Variants in SESN1 observed in about 807,000 individuals in gnomAD.
SESN1 encodes the protein sestrin-1.
A neutral mutation model predicts 59.3 loss-of-function variants in SESN1; 30 were observed. The observed-to-expected ratio is 0.51, with a 90% confidence interval of 0.38 to 0.69. The LOEUF (loss-of-function observed/expected upper bound fraction) is 0.69, where lower values mean the gene tolerates loss of function less well. Ranked by LOEUF, SESN1 falls within the 30% of genes least tolerant of loss-of-function variation. The pLI is 0.00. For missense variants in SESN1, 566 were observed against 673.0 expected (o/e 0.84, Z 1.76); for synonymous variants, 197 against 219.9 (o/e 0.90, Z 0.92).
intron 1 of SESN1, among the ~76,000 whole-genome samples, chr6:109,074,578 A>C (rs1780998863): frequency 6.6e-6 from 1 of 152,224 alleles, no homozygotes; most frequent in Non-Finnish European, 1.5e-5. Flanking sequence ...AAGTGAAAAA[A>C]GACAAAATTA....
At chr6:109,042,896 T>C (rs1390311726) in intron 1 of SESN1, among the ~76,000 whole-genome samples, 1 of 151,260 alleles carries the variant, frequency 6.6e-6, no homozygotes, top group Admixed American at 6.6e-5. Flanking sequence ...ACAAAGACAA[T>C]ACAAAAAAAG....
intron 1 of SESN1, among the ~76,000 whole-genome samples, chr6:109,091,375 T>C (rs1183411849): frequency 6.6e-6 from 1 of 152,188 alleles, no homozygotes; most frequent in Non-Finnish European, 1.5e-5. Flanking sequence ...TAACGATGCA[T>C]TTCTCAGAGT....
Position 108,998,933 on chromosome 6 carries a change from A to AC in SESN1, c.730-179_730-178insG. ...TAATTTTTATGAATATGCATTCACA[A>AC]ATAGAACTTAACATAATCTGTTAAG... On this transcript the variant is annotated intron_variant, in intron 4 of 9. Coordinates refer to ENST00000436639, the MANE Select transcript of SESN1 (RefSeq NM_014454.3). The AC allele has an allele frequency of 8.9e-6, 5 of 559,106 alleles. No individual in the cohort carries two copies. In the South Asian group the frequency reaches 1.3e-4, roughly 14 times the overall value. 34.6% of individuals were successfully genotyped at this position (559,106 alleles called of 1,614,324 possible).
rs372778244 is a variant in SESN1, at chr6:108,999,069, G to A, written c.730-314C>T. 19 of 186,606 alleles carry A rather than the reference G, an allele frequency of 1.0e-4. No individual in the cohort carries two copies. The South Asian group carries it at 2.1e-3, about 21-fold the overall frequency. The allele number at this position is 186,606 out of a possible 1,614,324, so 11.6% of individuals were successfully genotyped here. On this transcript the variant is annotated intron_variant, in intron 4 of 9. Coordinates refer to ENST00000436639, the MANE Select transcript of SESN1 (RefSeq NM_014454.3). ...GATGCTGGATTATGAATGAATTACT[G>A]TGTTGTTAGTTCAAAATCTCAAAGC... is the stretch of plus-strand genomic sequence containing the variant.
At chr6:109,088,406 C>T (rs1459002599) in intron 1 of SESN1, among the ~76,000 whole-genome samples, 1 of 151,822 alleles carries the variant, frequency 6.6e-6, no homozygotes, top group Non-Finnish European at 1.5e-5. Context: ...CAACTAGATA[C>T]TGCAACTCCA....
intron 5 of SESN1, 37 bp downstream of exon 5, chr6:108,998,475 AT>A: frequency 6.2e-7 from 1 of 1,608,656 alleles, no homozygotes; most frequent in Non-Finnish European, 8.5e-7. Context: ...AATTATTGTG[AT>A]TAGTTTTATG....
chr6:109,019,319 C>A (rs1779973014), intron 1 of SESN1, among the ~76,000 whole-genome samples: 1 of 152,208 alleles, frequency 6.6e-6, no homozygotes, highest in South Asian at 2.1e-4. Flanking sequence ...TTGGGTCAGG[C>A]TTTAAGGTTC....
At position 109,008,512 on chromosome 6, in the gene SESN1, T is replaced by C. The variant is rs369033741; in HGVS notation, c.280-6169A>G. On this transcript the variant is annotated intron_variant, in intron 1 of 9. Coordinates refer to ENST00000436639, the MANE Select transcript of SESN1 (RefSeq NM_014454.3). Reference sequence around the variant, plus strand: ...TCATTTAAGTTTCTATGAATATACATAGTATACTGATAATAGACTCCATTA... The same window carrying C: ...TCATTTAAGTTTCTATGAATATACACAGTATACTGATAATAGACTCCATTA... Among the ~76,000 whole-genome samples the C allele has an allele frequency of 9.2e-5, 14 of 152,334 alleles. No homozygotes were observed. The East Asian group carries it at 1.5e-3, about 17-fold the overall frequency.
chr6:109,071,352 T>TC (rs1268162510), intron 1 of SESN1, among the ~76,000 whole-genome samples: 18 of 150,658 alleles, frequency 1.2e-4, no homozygotes, highest in Non-Finnish European at 2.7e-4. Flanking sequence ...AGTTTTTGTT[T>TC]CTTTTTTTTT....
chr6:108,988,594 AAC>A lies in SESN1; in HGVS notation c.1516_1517del (p.Val506TyrfsTer6). 6.2e-7 allele frequency: 1 copy of A among 1,613,418 alleles called. No homozygotes were observed. Among genetic ancestry groups the A allele is most frequent in the African/African-American group, 1.3e-5 (1 of 75,040 alleles). ...IKTVVCTPEK[V>X]TKRMYDSFWR... ...AGAAGCTATCATACATTCTTTTGGT[AAC>A]CTTTTCAGGAGTGCAAACAACAGTT... On this transcript the variant is annotated frameshift_variant, in exon 9 of 10. Coordinates refer to ENST00000436639, the MANE Select transcript of SESN1 (RefSeq NM_014454.3). LOFTEE classifies it high-confidence loss of function.
Position 108,998,589 on chromosome 6 carries a change from T to G in SESN1, c.896A>C (p.Asn299Thr), listed in dbSNP as rs1310807543. Residue 299 changes from asparagine to threonine, a missense_variant, in exon 5 of 10, where the codon AAC becomes ACC. Coordinates refer to ENST00000436639, the MANE Select transcript of SESN1 (RefSeq NM_014454.3). Reference sequence around the variant, plus strand: ...ATTTGTAATGTCACAGATGCAGTAGTTGCTAACAGAAGGAGGTCTGAATGT... The same window carrying G: ...ATTTGTAATGTCACAGATGCAGTAGGTGCTAACAGAAGGAGGTCTGAATGT... ...GHTFRPPSVS[N>T]YCICDITNGN... 6.2e-7 allele frequency: 1 copy of G among 1,613,940 alleles called. No homozygotes were observed. Among genetic ancestry groups the G allele is most frequent in the Admixed American group, 1.7e-5 (1 of 60,024 alleles).
chr6:109,076,384 T>C (rs1265212438), intron 1 of SESN1, among the ~76,000 whole-genome samples: 1 of 152,236 alleles, frequency 6.6e-6, no homozygotes, highest in East Asian at 1.9e-4. Flanking sequence ...ATGTCAAGCA[T>C]AGTAACATTC....
intron 1 of SESN1, among the ~76,000 whole-genome samples, chr6:109,018,007 A>G (rs988819042): frequency 6.6e-6 from 1 of 152,174 alleles, no homozygotes; most frequent in Non-Finnish European, 1.5e-5. Context: ...GTCTCTTTCT[A>G]TAGAACAATA....
At chr6:109,024,602 A>G (rs185155290) in intron 1 of SESN1, among the ~76,000 whole-genome samples, 6 of 152,374 alleles carry the variant, frequency 3.9e-5, no homozygotes, top group African/African-American at 1.4e-4. Flanking sequence ...AGTTGAAAAT[A>G]TCATAAGTAA....
chr6:109,084,574 G>GAAAAC (rs1263504330), intron 1 of SESN1, among the ~76,000 whole-genome samples: 1 of 151,554 alleles, frequency 6.6e-6, no homozygotes, highest in Non-Finnish European at 1.5e-5. Context: ...CAAAACAAAA[G>GAAAAC]AAAACAAAAC....
rs554080274 is a variant in SESN1 at position 108,996,900 on chromosome 6, A to G, written c.972+1613T>C. Among the ~76,000 whole-genome samples, 5 of 152,346 alleles carry G rather than the reference A, an allele frequency of 3.3e-5. No individual in the cohort carries two copies. The South Asian group carries it at 1.0e-3, about 32-fold the overall frequency. ...TCAAGCCATGAACAGACATGGAAGAAATTTAAATGTATATTACTAAGTGAA... is the reference window on the plus strand; with the variant it reads ...TCAAGCCATGAACAGACATGGAAGAGATTTAAATGTATATTACTAAGTGAA... On this transcript the variant is annotated intron_variant, in intron 5 of 9. Transcript: ENST00000436639.
At chr6:109,044,609 TG>T (rs2114423677) in intron 1 of SESN1, among the ~76,000 whole-genome samples, 1 of 152,304 alleles carries the variant, frequency 6.6e-6, no homozygotes, top group Non-Finnish European at 1.5e-5. Flanking sequence ...CTTTCATCAC[TG>T]ACCAAACCTG....
At chr6:109,032,315 C>T (rs1054299032) in intron 1 of SESN1, among the ~76,000 whole-genome samples, 5 of 152,028 alleles carry the variant, frequency 3.3e-5, no homozygotes, top group Admixed American at 3.3e-4. Flanking sequence ...GAGGCGTGCT[C>T]CCCCTGTACA....
chr6:108,998,749 A>G lies in SESN1; in HGVS notation c.736T>C (p.Leu246=), dbSNP rs1157634090. The change falls in exon 5 of 10, where the codon TTA becomes CTA. Residue 246 remains leucine, a synonymous_variant. Coordinates refer to ENST00000436639, the MANE Select transcript of SESN1 (RefSeq NM_014454.3). ...GACCAGCTGTGCTCTTCAGCTTTTA[A>G]AAGTCCCTTAGGGGGAAAAAAAAAA... The part of the protein sequence containing the change: ...LITKEHIEGL[L]KAEEHSWSLA... 5 of 1,610,178 alleles carry G rather than the reference A, an allele frequency of 3.1e-6. No homozygotes were observed. The highest frequency in any genetic ancestry group is 2.2e-5 in the East Asian group (1 of 44,796).
Sources: gnomAD v4.1 joint callset for allele counts (sites outside exome capture counted in the v4.1 genomes callset) on GRCh38, gnomAD v4.1.1 for gene constraint, MANE v1.5 for transcripts, NCBI Gene and HGNC (gene_info 2026-07-23, HGNC 2026-07-21) for gene names.